The following ADPRM variants were observed in gnomAD, a reference collection of about 807,000 sequenced individuals.
The protein encoded by ADPRM is manganese-dependent ADP-ribose/CDP-alcohol diphosphatase.
Under a neutral mutation model 27.2 loss-of-function variants are expected in ADPRM, and 17 were observed. The ratio of observed to expected loss-of-function variants is 0.63; its 90% CI spans 0.43 to 0.94. ADPRM has a LOEUF of 0.94. Ranked by LOEUF, ADPRM falls within the 40% of genes least tolerant of loss-of-function variation. ADPRM has a pLI of 0.00. For missense variants in ADPRM, 337 were observed against 412.8 expected, an observed-to-expected ratio of 0.82 and a Z score of 1.59; for synonymous variants, 135 against 145.3, an observed-to-expected ratio of 0.93 and a Z score of 0.51.
intron 1 of ADPRM, among the ~76,000 whole-genome samples, chr17:10,703,417 T>C (rs1468589533): frequency 2.0e-5 from 3 of 152,176 alleles, no homozygotes; most frequent in Non-Finnish European, 2.9e-5. Context: ...CTCTTTCTGG[T>C]GCTGTTACCT....
intron 3 of ADPRM, among the ~76,000 whole-genome samples, chr17:10,708,897 C>T (rs1393987858): frequency 6.6e-6 from 1 of 152,196 alleles, no homozygotes; most frequent in Non-Finnish European, 1.5e-5. Context: ...ATCCCCTTTC[C>T]CATGTGATCC....
At position 10,705,428 on chromosome 17, in the gene ADPRM, T is replaced by C; in HGVS notation, c.502T>C (p.Leu168=). The change falls in exon 2 of 4, where the codon TTG becomes CTG. Residue 168 remains leucine, a synonymous_variant. Coordinates refer to ENST00000379774, the MANE Select transcript of ADPRM (RefSeq NM_020233.5). This position sits in a 1 kb window ranked among gnomAD's most constrained non-coding sequence, Gnocchi z 5.4. ...FRFILLDAYD[L]SVLGVDQSSP... ...GTTCATTTTACTTGATGCATATGAC[T>C]TGAGTGTCTTGGGCGTGGATCAGTC... 6 of 1,614,122 alleles carry C rather than the reference T, an allele frequency of 3.7e-6. No homozygotes were observed. The highest frequency in any genetic ancestry group is 5.1e-6 in the Non-Finnish European group (6 of 1,180,036).
At chr17:10,701,545 G>A (rs1207319277) in intron 1 of ADPRM, among the ~76,000 whole-genome samples, 4 of 152,130 alleles carry the variant, frequency 2.6e-5, no homozygotes, top group African/African-American at 2.4e-5. Context: ...TAGCCAGGAT[G>A]GTCTCGATCT....
intron 1 of ADPRM, chr17:10,699,054 T>C (rs559493671): frequency 2.6e-5 from 4 of 152,330 alleles, no homozygotes; most frequent in African/African-American, 9.6e-5. Flanking sequence ...GTGCTTCTTT[T>C]AGTAGCAACT....
Position 10,711,045 on chromosome 17 carries a change from C to T in ADPRM, c.930C>T (p.Gly310=), listed in dbSNP as rs1015673820. 4.9e-5 allele frequency: 79 copies of T among 1,613,990 alleles called. No homozygotes were observed. The highest frequency in any genetic ancestry group is 6.4e-5 in the Non-Finnish European group (75 of 1,179,982). ...CAGCTCCAGACAGCCAAGCCTTTGGCACAGTTCATGTCTATCCTGACAAAA... is the reference window on the plus strand; with the variant it reads ...CAGCTCCAGACAGCCAAGCCTTTGGTACAGTTCATGTCTATCCTGACAAAA... ...IETAPDSQAF[G]TVHVYPDKMM... Residue 310 remains glycine (G), a synonymous_variant, in exon 4 of 4, where the codon GGC becomes GGT. Coordinates refer to ENST00000379774, the MANE Select transcript of ADPRM (RefSeq NM_020233.5).
intron 1 of ADPRM, among the ~76,000 whole-genome samples, chr17:10,704,366 A>G (rs2074799495): frequency 6.6e-6 from 1 of 151,966 alleles, no homozygotes; most frequent in African/African-American, 2.4e-5. Flanking sequence ...GATATAAAAT[A>G]TGAGAAACTG....
At chr17:10,704,820 A>C in intron 1 of ADPRM, 90 bp from the exon 2 acceptor site, 1 of 1,158,488 alleles carries the variant, frequency 8.6e-7, no homozygotes. Context: ...CTAATGAATT[A>C]ACCTTTAACA....
rs116919594 is a variant in ADPRM, at chr17:10,704,786, G to A, written c.-17-124G>A. ...AAGACTGTTGGGCTCTAAAGCCCAC[G>A]TACTTTTTCCTGTACCAAGCTGCCT... On this transcript the variant is annotated intron_variant, in intron 1 of 3. Transcript: ENST00000379774. 879 of 767,946 alleles carry A rather than the reference G, an allele frequency of 1.1e-3. 14 individuals carry two copies. In the East Asian group the frequency reaches 0.018, roughly 16 times the overall value. The allele number at this position is 767,946 out of a possible 1,614,324, so 47.6% of individuals were successfully genotyped here. A position where few individuals can be genotyped will look rare whatever the true frequency, so the allele number is the denominator to read the frequency against.
Position 10,705,550 on chromosome 17 carries a change from G to A in ADPRM, c.601+23G>A. ...AAGGTGAATTATTCCTTTGAGCTGA[G>A]AATCTAATAGATTGTCTTTAAATTC... On this transcript the variant is annotated intron_variant, in intron 2 of 3. Coordinates refer to ENST00000379774, the MANE Select transcript of ADPRM (RefSeq NM_020233.5). The surrounding 1 kb of genome is among the most constrained non-coding windows in gnomAD (Gnocchi z 5.4). The A allele has an allele frequency of 6.2e-7, 1 of 1,601,532 alleles. No homozygotes were observed. Among genetic ancestry groups the A allele is most frequent in the African/African-American group, 1.3e-5 (1 of 74,638 alleles).
chr17:10,704,992 C>T lies in ADPRM; in HGVS notation c.66C>T (p.Val22=), dbSNP rs2074803910. The change falls in exon 2 of 4, where the codon GTC becomes GTT. Residue 22 remains valine (V), a synonymous_variant. Coordinates refer to ENST00000379774, the MANE Select transcript of ADPRM (RefSeq NM_020233.5). ...DSSERLFSFG[V]IADVQFADLE... The stretch of plus-strand genomic sequence containing the variant: ...CAGAGCGTCTTTTCTCCTTTGGCGT[C>T]ATCGCAGATGTTCAATTTGCAGACT... 6.2e-7 allele frequency: 1 copy of T among 1,614,156 alleles called. No individual in the cohort carries two copies. The highest frequency in any genetic ancestry group is 2.2e-5 in the East Asian group (1 of 44,880).
At chr17:10,710,518 C>A (rs2074844156) in intron 3 of ADPRM, among the ~76,000 whole-genome samples, 1 of 152,240 alleles carries the variant, frequency 6.6e-6, no homozygotes, top group Non-Finnish European at 1.5e-5. Context: ...TTGCAGACTG[C>A]CCTGCATAGG....
chr17:10,706,432 T>G lies in ADPRM; in HGVS notation c.602-6T>G. The G allele has an allele frequency of 6.3e-7, 1 of 1,590,096 alleles. No individual in the cohort carries two copies. The highest frequency in any genetic ancestry group is 8.6e-7 in the Non-Finnish European group (1 of 1,168,580). On this transcript the variant is annotated splice_region_variant and splice_polypyrimidine_tract_variant and intron_variant, in intron 2 of 3. Coordinates refer to ENST00000379774, the MANE Select transcript of ADPRM (RefSeq NM_020233.5). ...TGATGGGGCTAACTTACTGAATTCA[T>G]TTCAGGACTTTCTGAGCCCCAGTTT... is the stretch of plus-strand genomic sequence containing the variant.
At chr17:10,706,729 C>G (rs2074815164) in intron 3 of ADPRM, among the ~76,000 whole-genome samples, 175 bp downstream of exon 3, 1 of 152,046 alleles carries the variant, frequency 6.6e-6, no homozygotes, top group African/African-American at 2.4e-5. Flanking sequence ...TAAGGATGAA[C>G]CAGGAAAAGG....
At chr17:10,698,661 T>A (rs1487674975) in intron 1 of ADPRM, among the ~76,000 whole-genome samples, 1 of 152,220 alleles carries the variant, frequency 6.6e-6, no homozygotes, top group Non-Finnish European at 1.5e-5. Flanking sequence ...ACTAGCCAAC[T>A]GTTCTGTTCT....
At chr17:10,709,695 A>G (rs968336772) in intron 3 of ADPRM, among the ~76,000 whole-genome samples, 1 of 150,650 alleles carries the variant, frequency 6.6e-6, no homozygotes, top group African/African-American at 2.5e-5. Context: ...GCTTAGCCCT[A>G]AGGTGGTAAT....
In ADPRM at chr17:10,705,166, T is replaced by G; in HGVS notation, c.240T>G (p.Asn80Lys). 6.2e-7 allele frequency: 1 copy of G among 1,614,170 alleles called. No homozygotes were observed. The highest frequency in any genetic ancestry group is 1.1e-5 in the South Asian group (1 of 91,084). The change falls in exon 2 of 4, where the codon AAT becomes AAG. Residue 80 changes from asparagine (N) to lysine (K), a missense_variant. Coordinates refer to ENST00000379774, the MANE Select transcript of ADPRM (RefSeq NM_020233.5). This position sits in a 1 kb window ranked among gnomAD's most constrained non-coding sequence, Gnocchi z 5.4. Reference protein sequence around the residue: ...LQLGDIIDGYNAQYNASKKSL... With the variant: ...LQLGDIIDGYKAQYNASKKSL... ...TTGGAGATATCATCGATGGATATAATGCACAGTATAATGCATCCAAAAAGT... is the reference window on the plus strand; with the variant it reads ...TTGGAGATATCATCGATGGATATAAGGCACAGTATAATGCATCCAAAAAGT...
chr17:10,702,423 G>T lies in ADPRM; in HGVS notation c.-17-2487G>T, dbSNP rs767278614. ...GAAAATCAATTTGATTTAGCTTTAA[G>T]CCCAGGAGAATTTATGTGCTGACAT... On this transcript the variant is annotated intron_variant, in intron 1 of 3. Transcript: ENST00000379774. This position sits in a 1 kb window ranked among gnomAD's most constrained non-coding sequence, Gnocchi z 4.2. 4.6e-5 allele frequency among the ~76,000 whole-genome samples: 7 copies of T among 152,228 alleles called. No homozygotes were observed. The highest frequency in any genetic ancestry group is 8.8e-5 in the Non-Finnish European group (6 of 68,038).
In ADPRM at chr17:10,705,873, CG is replaced by C; in HGVS notation, c.601+348del. The C allele has an allele frequency of 3.4e-6, 1 of 295,386 alleles. No individual in the cohort carries two copies. The highest frequency in any genetic ancestry group is 4.3e-5 in the South Asian group (1 of 23,298). 18.3% of individuals were successfully genotyped at this position (295,386 alleles called of 1,614,324 possible). The stretch of plus-strand genomic sequence containing the variant: ...TGAAACAGAAACAAGATTATTTCCA[CG>C]GTCGTAAGTGCTGCCAAGGAAATAG... On this transcript the variant is annotated intron_variant, in intron 2 of 3. Coordinates refer to ENST00000379774, the MANE Select transcript of ADPRM (RefSeq NM_020233.5). The surrounding 1 kb of genome is among the most constrained non-coding windows in gnomAD (Gnocchi z 5.4).
At chr17:10,700,752 A>G (rs1050979526) in intron 1 of ADPRM, among the ~76,000 whole-genome samples, 3 of 150,734 alleles carry the variant, frequency 2.0e-5, no homozygotes, top group African/African-American at 7.4e-5. Flanking sequence ...CAGTAGAGCC[A>G]GACCCTGTCT....
Sources: gnomAD v4.1 joint callset for allele counts (sites outside exome capture counted in the v4.1 genomes callset) on GRCh38, gnomAD v4.1.1 for gene constraint, Gnocchi (gnomAD v3.1) non-coding constraint, MANE v1.5 for transcripts, NCBI Gene and HGNC (gene_info 2026-07-23, HGNC 2026-07-21) for gene names.